Variants in RBM33 observed in about 807,000 individuals in gnomAD.
The protein encoded by RBM33 is RNA binding motif protein 33.
A neutral mutation model predicts 132.6 loss-of-function variants in RBM33; 28 were observed. That is an observed-to-expected ratio of 0.21 (90% CI 0.16 to 0.29). The LOEUF (loss-of-function observed/expected upper bound fraction) is 0.29, where lower values mean the gene tolerates loss of function less well. Ranked by LOEUF, RBM33 falls within the 10% of genes least tolerant of loss-of-function variation. The pLI is 1.00. For missense variants in RBM33, 1,291 were observed against 1,518.5 expected, an observed-to-expected ratio of 0.85 and a Z score of 2.49; for synonymous variants, 634 against 593.0, an observed-to-expected ratio of 1.07 and a Z score of -1.01.
chr7:155,708,985 A>G (rs930286240), intron 7 of RBM33, among the ~76,000 whole-genome samples: 1 of 151,916 alleles, frequency 6.6e-6, no homozygotes, highest in Non-Finnish European at 1.5e-5. Context: ...GGTGCCCTCA[A>G]GAGATGCCAC....
chr7:155,731,567 C>T (rs1167949999), intron 9 of RBM33, among the ~76,000 whole-genome samples: 1 of 152,204 alleles, frequency 6.6e-6, no homozygotes, highest in Non-Finnish European at 1.5e-5. Context: ...CAGGGAGTGT[C>T]TTCAGCATGG....
chr7:155,746,696 A>G (rs1366402753), intron 14 of RBM33: 1 of 152,222 alleles, frequency 6.6e-6, no homozygotes, highest in Non-Finnish European at 1.5e-5. Context: ...GTTTTCATGA[A>G]AATGAATTCT....
rs759629328 is a variant in RBM33 at position 155,775,114 on chromosome 7, G to A, written c.*73G>A. ...TTCTTCAAGGGAGCTGCCGGCCGGC[G>A]CAGAACCCCCAGGAGCACAGGTCTC... On this transcript the variant is annotated 3_prime_UTR_variant, in exon 18 of 18. Coordinates refer to ENST00000401878, the MANE Select transcript of RBM33 (RefSeq NM_053043.3). 2.4e-5 allele frequency: 32 copies of A among 1,338,976 alleles called. 1 individual carries two copies. The highest frequency in any genetic ancestry group is 2.2e-4 in the South Asian group (19 of 85,282). 82.9% of individuals were successfully genotyped at this position (1,338,976 alleles called of 1,614,324 possible). A position where few individuals can be genotyped will look rare whatever the true frequency, so the allele number is the denominator to read the frequency against.
chr7:155,680,445 T>C (rs183707271), intron 4 of RBM33, 145 bp from the exon 5 acceptor site: 700 of 650,178 alleles, frequency 1.1e-3, no homozygotes, highest in South Asian at 1.4e-3. Context: ...TTGAGTACTG[T>C]TGGAGTTAAT....
At chr7:155,722,838 T>A (rs10242491) in intron 9 of RBM33, among the ~76,000 whole-genome samples, 26,788 of 152,192 alleles carry the variant, frequency 0.18, 2,411 homozygotes, top group East Asian at 0.28. Context: ...AGTTTAAAAA[T>A]TTTAAAAACT....
intron 14 of RBM33, among the ~76,000 whole-genome samples, chr7:155,753,689 A>G (rs1801756995): frequency 6.6e-6 from 1 of 152,214 alleles, no homozygotes; most frequent in Admixed American, 6.5e-5. Flanking sequence ...AGGAAGGGAG[A>G]CTGAGTGTAA....
At chr7:155,732,806 A>T (rs1800994869) in intron 9 of RBM33, among the ~76,000 whole-genome samples, 1 of 152,306 alleles carries the variant, frequency 6.6e-6, no homozygotes, top group African/African-American at 2.4e-5. Flanking sequence ...AGGTGCTCAG[A>T]GGTGTGAAGT....
intron 16 of RBM33, among the ~76,000 whole-genome samples, chr7:155,768,316 T>G (rs4716908): frequency 1.3e-5 from 2 of 152,078 alleles, no homozygotes; most frequent in African/African-American, 2.4e-5. Flanking sequence ...AACCAGCTAA[T>G]TTCTGTCTTG....
chr7:155,724,864 A>G (rs764062937), intron 9 of RBM33, among the ~76,000 whole-genome samples: 4 of 152,124 alleles, frequency 2.6e-5, no homozygotes, highest in Non-Finnish European at 4.4e-5. Context: ...TGTCTTTTCT[A>G]TTGCTCAGTA....
rs1230447263 is a variant in RBM33, at chr7:155,706,880, G to A, written c.760G>A (p.Ala254Thr). The change falls in exon 7 of 18, where the codon GCA (alanine) becomes ACA (threonine). Residue 254 changes from alanine to threonine, a missense_variant. Coordinates refer to ENST00000401878, the MANE Select transcript of RBM33 (RefSeq NM_053043.3). Reference protein sequence around the residue: ...ETLELSAEAKAALLEFEERER... With the variant: ...ETLELSAEAKTALLEFEERER... ...CATAGAGCTTTCAGCAGAGGCCAAG[G>A]CAGCATTGCTTGAATTTGAAGAAAG... The A allele has an allele frequency of 1.2e-6, 2 of 1,604,388 alleles. No homozygotes were observed. The highest frequency in any genetic ancestry group is 2.7e-5 in the African/African-American group (2 of 74,764).
intron 6 of RBM33, 61 bp from the exon 7 acceptor site, chr7:155,706,799 C>T: frequency 1.5e-6 from 2 of 1,345,504 alleles, no homozygotes; most frequent in Admixed American, 2.0e-5. Context: ...CCTGTTCTCT[C>T]CCTAGACCTC....
chr7:155,691,680 G>A (rs886332711), intron 5 of RBM33, among the ~76,000 whole-genome samples: 3 of 152,158 alleles, frequency 2.0e-5, no homozygotes, highest in Non-Finnish European at 4.4e-5. Context: ...TTCTGGAAGT[G>A]CCTTCTAGTT....
chr7:155,671,969 C>T (rs997074701), intron 2 of RBM33, among the ~76,000 whole-genome samples: 5 of 152,106 alleles, frequency 3.3e-5, no homozygotes, highest in African/African-American at 4.8e-5. Context: ...GGGAGAAAGC[C>T]GGCTTCTAAT....
chr7:155,673,146 A>G (rs1163773383), intron 3 of RBM33, among the ~76,000 whole-genome samples: 1 of 152,152 alleles, frequency 6.6e-6, no homozygotes, highest in Non-Finnish European at 1.5e-5. Context: ...ACTTTGTCCA[A>G]GGCACTCTGG....
chr7:155,673,943 T>G (rs113603753), intron 3 of RBM33, among the ~76,000 whole-genome samples: 3,015 of 16,916 alleles, frequency 0.18, 488 homozygotes, highest in South Asian at 0.29. Flanking sequence ...AGGCTTAGTT[T>G]TTTTTTTTTT....
In RBM33 at chr7:155,685,027, C is replaced by T. The variant is rs1050258561; in HGVS notation, c.567+4119C>T. On this transcript the variant is annotated intron_variant, in intron 5 of 17. Transcript: ENST00000401878. ...GATGAATTAGATGAGATTACTGATG[C>T]CCAGGTTGCTCCTGCAACTGAAGAG... is the stretch of plus-strand genomic sequence containing the variant. The T allele has an allele frequency of 2.6e-6, 4 of 1,550,008 alleles. No individual in the cohort carries two copies. In the African/African-American group the frequency reaches 4.1e-5, roughly 16 times the overall value.
intron 7 of RBM33, among the ~76,000 whole-genome samples, chr7:155,710,813 G>A (rs1218175408): frequency 6.6e-6 from 1 of 152,132 alleles, no homozygotes; most frequent in African/African-American, 2.4e-5. Flanking sequence ...CCTGGAGGGG[G>A]ATGCAAGGCT....
chr7:155,745,899 G>A lies in RBM33; in HGVS notation c.2979+297G>A, dbSNP rs1425294148. 6.6e-6 allele frequency among the ~76,000 whole-genome samples: 1 copy of A among 152,154 alleles called. No homozygotes were observed. Among genetic ancestry groups the A allele is most frequent in the East Asian group, 1.9e-4 (1 of 5,190 alleles). On this transcript the variant is annotated intron_variant, in intron 14 of 17. Transcript: ENST00000401878. The surrounding 1 kb of genome is among the most constrained non-coding windows in gnomAD (Gnocchi z 4.1). The stretch of plus-strand genomic sequence containing the variant: ...TATATGGTACAGCCTGTTGCTCCCT[G>A]GCCACAAGCCTGTGCAGCATGTTAC...
At chr7:155,648,826 A>T (rs934857154) in intron 1 of RBM33, among the ~76,000 whole-genome samples, 1 of 152,178 alleles carries the variant, frequency 6.6e-6, no homozygotes, top group Non-Finnish European at 1.5e-5. Context: ...GAAATATTTC[A>T]TCCTATCACC....
Sources: allele counts gnomAD v4.1 joint callset (sites outside exome capture counted in the v4.1 genomes callset), GRCh38; gene constraint gnomAD v4.1.1; non-coding constraint Gnocchi (gnomAD v3.1); transcripts MANE v1.5; gene names NCBI Gene and HGNC (gene_info 2026-07-23, HGNC 2026-07-21).